DDX46: variants seen among roughly 807,000 people sequenced by gnomAD.
DDX46 encodes the protein probable ATP-dependent RNA helicase DDX46.
A neutral mutation model predicts 134.9 loss-of-function variants in DDX46; 30 were observed. That is an observed-to-expected ratio of 0.22 (90% CI 0.17 to 0.30). DDX46 has a LOEUF of 0.30. Ranked by LOEUF, DDX46 falls within the 10% of genes least tolerant of loss-of-function variation. The pLI, the probability that DDX46 is intolerant of heterozygous loss-of-function variation, is 1.00. For synonymous variants in DDX46, 415 were observed against 404.1 expected (o/e 1.03, Z -0.32); for missense variants, 622 against 1,248.7 (o/e 0.50, Z 7.56).
chr5:134,819,195 T>G (rs1755373124), intron 21 of DDX46, among the ~76,000 whole-genome samples, 191 bp downstream of exon 21: 2 of 152,232 alleles, frequency 1.3e-5, no homozygotes, highest in South Asian at 4.1e-4. Context: ...GTAAATGATC[T>G]GTTTCCGAGA....
rs552003649 is a variant in DDX46 at position 134,771,114 on chromosome 5, G to T, written c.447+115G>T. On this transcript the variant is annotated intron_variant, in intron 4 of 22. Coordinates refer to ENST00000452510, the MANE Select transcript of DDX46 (RefSeq NM_001300860.2). The stretch of plus-strand genomic sequence containing the variant: ...CTCTTTCTTTCTTTCTTTTCTGTCT[G>T]TCTTTCTTTCTGTCTTTCTTTCTGT... The T allele has an allele frequency of 1.2e-4, 67 of 548,510 alleles. No individual in the cohort carries two copies. The Middle Eastern group carries it at 1.5e-3, about 12-fold the overall frequency. The allele number at this position is 548,510 out of a possible 1,614,324, so 34.0% of individuals were successfully genotyped here.
At chr5:134,805,988 G>A (rs537146167) in intron 15 of DDX46, among the ~76,000 whole-genome samples, 2 of 151,950 alleles carry the variant, frequency 1.3e-5, no homozygotes, top group South Asian at 2.1e-4. Flanking sequence ...GGAGGTGGGC[G>A]GATCACCCAA....
intron 19 of DDX46, chr5:134,817,235 T>TC (rs1561873757): frequency 2.6e-6 from 1 of 389,052 alleles, no homozygotes; most frequent in East Asian, 4.5e-5. Context: ...TAGCTAATTA[T>TC]CAACTACATC....
At chr5:134,802,372 G>C (rs551042710) in intron 15 of DDX46, among the ~76,000 whole-genome samples, 1 of 151,980 alleles carries the variant, frequency 6.6e-6, no homozygotes, top group South Asian at 2.1e-4. Flanking sequence ...ATGTTGGTCA[G>C]GCTGGTCTCG....
At chr5:134,780,050 T>G (rs1000072917) in intron 6 of DDX46, among the ~76,000 whole-genome samples, 1 of 151,382 alleles carries the variant, frequency 6.6e-6, no homozygotes, top group African/African-American at 2.4e-5. Flanking sequence ...ATCACACCAC[T>G]GTACTCTAGC....
At chr5:134,805,417 C>T (rs958689860) in intron 15 of DDX46, among the ~76,000 whole-genome samples, 6 of 152,192 alleles carry the variant, frequency 3.9e-5, no homozygotes, top group South Asian at 2.1e-4. Flanking sequence ...CCGCCCGCCT[C>T]GGCCTCCCAA....
At chr5:134,827,899 A>G (rs1755633463) in intron 22 of DDX46, among the ~76,000 whole-genome samples, 1 of 152,254 alleles carries the variant, frequency 6.6e-6, no homozygotes, top group South Asian at 2.1e-4. Context: ...ACCTCGGAGT[A>G]GAATTGTTAA....
intron 6 of DDX46, among the ~76,000 whole-genome samples, chr5:134,780,186 GTATATA>G (rs1295216718): frequency 2.6e-5 from 4 of 151,250 alleles, no homozygotes; most frequent in African/African-American, 9.7e-5. Context: ...ATGTGTGTAT[GTATATA>G]TGTATGTGTA....
chr5:134,811,450 G>C (rs1755139222), intron 17 of DDX46, 92 bp downstream of exon 17: 5 of 1,488,170 alleles, frequency 3.4e-6, no homozygotes, highest in African/African-American at 2.8e-5. Context: ...TTTAACACTT[G>C]AAAATTTTGC....
Position 134,788,527 on chromosome 5 carries a change from A to G in DDX46, c.1479A>G (p.Lys493=), listed in dbSNP as rs751168307. The G allele has an allele frequency of 5.0e-6, 8 of 1,613,894 alleles. No homozygotes were observed. The East Asian group carries it at 1.8e-4, about 36-fold the overall frequency. ...TTTTTTATTAGATTGCTGAGCTGAA[A>G]AGAGGTGCTGAAATTATTGTTTGCA... The part of the protein sequence containing the change: ...TGISEQIAEL[K]RGAEIIVCTP... The change falls in exon 12 of 23, where the codon AAA becomes AAG. Residue 493 remains lysine (K), a synonymous_variant. Coordinates refer to ENST00000452510, the MANE Select transcript of DDX46 (RefSeq NM_001300860.2).
chr5:134,791,510 G>A (rs1754502601), intron 13 of DDX46, among the ~76,000 whole-genome samples: 1 of 151,658 alleles, frequency 6.6e-6, no homozygotes, highest in Non-Finnish European at 1.5e-5. Flanking sequence ...GCAGTGAGCT[G>A]AGATCACGCT....
intron 9 of DDX46, among the ~76,000 whole-genome samples, chr5:134,783,570 A>T (rs1467830404): frequency 3.3e-4 from 1 of 3,076 alleles, no homozygotes; most frequent in Admixed American, 3.4e-3. Flanking sequence ...TTTTTTTGAG[A>T]CGGAGTTTCA....
chr5:134,768,276 A>AT (rs1243708686), intron 3 of DDX46, among the ~76,000 whole-genome samples: 1 of 151,498 alleles, frequency 6.6e-6, no homozygotes, highest in African/African-American at 2.4e-5. Flanking sequence ...TGCCCAGCTA[A>AT]TTTTTTGTAT....
chr5:134,773,381 T>C (rs1019944356), intron 4 of DDX46, among the ~76,000 whole-genome samples: 2 of 152,212 alleles, frequency 1.3e-5, no homozygotes, highest in Non-Finnish European at 2.9e-5. Flanking sequence ...TTAGTTTCTG[T>C]TGTTAGGAAG....
chr5:134,763,244 T>G (rs1391111490), intron 1 of DDX46, among the ~76,000 whole-genome samples: 1 of 152,018 alleles, frequency 6.6e-6, no homozygotes, highest in African/African-American at 2.4e-5. Flanking sequence ...AAAATAAAAA[T>G]AAAAACATTA....
rs2150130186 is a variant in DDX46, at chr5:134,766,904, G to T, written c.207-13G>T. Reference sequence around the variant, plus strand: ...TTTGGTCATAGAATAAATGAAAAGTGTCCCCCTTTCAGACGTTCCAGAAGT... The same window carrying T: ...TTTGGTCATAGAATAAATGAAAAGTTTCCCCCTTTCAGACGTTCCAGAAGT... On this transcript the variant is annotated splice_polypyrimidine_tract_variant and intron_variant, in intron 2 of 22. Coordinates refer to ENST00000452510, the MANE Select transcript of DDX46 (RefSeq NM_001300860.2). 1.9e-6 allele frequency: 3 copies of T among 1,605,064 alleles called. No homozygotes were observed. The highest frequency in any genetic ancestry group is 2.5e-6 in the Non-Finnish European group (3 of 1,177,560).
intron 5 of DDX46, among the ~76,000 whole-genome samples, chr5:134,775,936 C>T (rs1192376684): frequency 6.6e-6 from 1 of 152,176 alleles, no homozygotes; most frequent in African/African-American, 2.4e-5. Flanking sequence ...AACCCCCACA[C>T]AGTGAAATAT....
chr5:134,818,317 C>A (rs1755340843), intron 20 of DDX46, among the ~76,000 whole-genome samples: 1 of 150,400 alleles, frequency 6.6e-6, no homozygotes, highest in South Asian at 2.2e-4. Context: ...TGGTCTCGAA[C>A]TCCCAACCTC....
At chr5:134,803,398 C>T (rs1754889737) in intron 15 of DDX46, among the ~76,000 whole-genome samples, 1 of 151,978 alleles carries the variant, frequency 6.6e-6, no homozygotes, top group Non-Finnish European at 1.5e-5. Flanking sequence ...TATATACGCA[C>T]AGTTGTGGGT....
Sources: gnomAD v4.1 joint callset for allele counts (sites outside exome capture counted in the v4.1 genomes callset) on GRCh38, gnomAD v4.1.1 for gene constraint, MANE v1.5 for transcripts, NCBI Gene and HGNC (gene_info 2026-07-23, HGNC 2026-07-21) for gene names.